Variants in C7orf78 observed in about 807,000 individuals in gnomAD.
C7orf78 encodes chromosome 7 open reading frame 78.
the C7orf78 span, among the ~76,000 whole-genome samples, chr7:12,513,530 T>A: frequency 6.6e-6 from 1 of 152,166 alleles, no homozygotes; most frequent in African/African-American, 2.4e-5. Flanking sequence ...TAGAATTTTG[T>A]TTAGTTTCCA....
At chr7:12,525,166 T>A in the C7orf78 span, among the ~76,000 whole-genome samples, 2 of 152,284 alleles carry the variant, frequency 1.3e-5, no homozygotes, top group African/African-American at 4.8e-5. Context: ...CCCTGTTTAA[T>A]TTCTGCTTGG....
chr7:12,541,618 T>C, the C7orf78 span: 1 of 151,126 alleles, frequency 6.6e-6, no homozygotes, highest in Non-Finnish European at 1.5e-5. Flanking sequence ...TCAGGAATCA[T>C]AGGATACCAG....
the C7orf78 span, among the ~76,000 whole-genome samples, chr7:12,528,745 G>T: frequency 6.6e-6 from 1 of 152,208 alleles, no homozygotes; most frequent in Non-Finnish European, 1.5e-5. Flanking sequence ...AGGACTGGCA[G>T]AAAGAATAAG....
chr7:12,511,979 G>A, the C7orf78 span, among the ~76,000 whole-genome samples: 1 of 123,542 alleles, frequency 8.1e-6, no homozygotes. Flanking sequence ...GTTTCACCGT[G>A]TTAGCCAGGA....
At chr7:12,508,745 G>A in the C7orf78 span, among the ~76,000 whole-genome samples, 2 of 152,180 alleles carry the variant, frequency 1.3e-5, no homozygotes, top group Non-Finnish European at 2.9e-5. Context: ...ACTCCCCATT[G>A]TTTACATTAC....
At chr7:12,495,451 T>C in the C7orf78 span, among the ~76,000 whole-genome samples, 3 of 152,230 alleles carry the variant, frequency 2.0e-5, no homozygotes, top group African/African-American at 7.2e-5. Context: ...TATGGCTTTA[T>C]GAACCTGAAT....
chr7:12,516,175 T>G, the C7orf78 span, among the ~76,000 whole-genome samples: 1 of 152,270 alleles, frequency 6.6e-6, no homozygotes, highest in South Asian at 2.1e-4. Context: ...CTGTACTACG[T>G]GCAGCCTAGG....
chr7:12,515,708 T>A, the C7orf78 span, among the ~76,000 whole-genome samples: 1 of 152,116 alleles, frequency 6.6e-6, no homozygotes, highest in South Asian at 2.1e-4. Context: ...TGGTCTCAGA[T>A]GGAGATGAGG....
the C7orf78 span, among the ~76,000 whole-genome samples, chr7:12,513,175 C>G: frequency 2.0e-5 from 3 of 151,792 alleles, no homozygotes; most frequent in African/African-American, 4.8e-5. Flanking sequence ...TAGTTCTGCT[C>G]TTACCTTTTT....
chr7:12,519,115 G>T, the C7orf78 span, among the ~76,000 whole-genome samples: 1 of 152,052 alleles, frequency 6.6e-6, no homozygotes, highest in African/African-American at 2.4e-5. Context: ...TCTATTGGTA[G>T]CCAGAGCACA....
the C7orf78 span, among the ~76,000 whole-genome samples, chr7:12,488,734 T>C: frequency 2.2e-4 from 34 of 152,194 alleles, no homozygotes; most frequent in African/African-American, 7.7e-4. Flanking sequence ...AAATTATGTA[T>C]TTATCTAAGA....
At chr7:12,531,055 C>T in the C7orf78 span, 6 of 398,212 alleles carry the variant, frequency 1.5e-5, no homozygotes, top group South Asian at 1.3e-4. Flanking sequence ...ATTTATGGAT[C>T]GTGTGGAAGA....
At chr7:12,492,275 C>G in the C7orf78 span, among the ~76,000 whole-genome samples, 1 of 152,124 alleles carries the variant, frequency 6.6e-6, no homozygotes, top group Non-Finnish European at 1.5e-5. Context: ...AATACTAAGA[C>G]TTCATTTGGC....
chr7:12,512,897 T>C, the C7orf78 span, among the ~76,000 whole-genome samples: 2 of 152,282 alleles, frequency 1.3e-5, no homozygotes, highest in South Asian at 2.1e-4. Flanking sequence ...GATTTAATTT[T>C]AGTCGGTTGT....
the C7orf78 span, among the ~76,000 whole-genome samples, chr7:12,535,088 C>T: frequency 1.3e-5 from 2 of 152,102 alleles, no homozygotes; most frequent in African/African-American, 4.8e-5. Context: ...CACAAGTAAT[C>T]AGGGAAATAT....
the C7orf78 span, among the ~76,000 whole-genome samples, chr7:12,497,591 G>A: frequency 6.6e-6 from 1 of 152,140 alleles, no homozygotes; most frequent in Admixed American, 6.5e-5. Flanking sequence ...CCTACCCCAC[G>A]GAGTCTCGCT....
chr7:12,523,231 G>A, the C7orf78 span: 1 of 388,624 alleles, frequency 2.6e-6, no homozygotes. Context: ...AAGAAAAAAG[G>A]AGGAAAAAAA....
chr7:12,531,706 CAG>C, the C7orf78 span, among the ~76,000 whole-genome samples: 1 of 152,090 alleles, frequency 6.6e-6, no homozygotes, highest in Non-Finnish European at 1.5e-5. Context: ...ACCAACTTTG[CAG>C]AGTTACCATT....
the C7orf78 span, among the ~76,000 whole-genome samples, chr7:12,536,611 A>T: frequency 2.0e-5 from 3 of 152,138 alleles, no homozygotes; most frequent in Non-Finnish European, 4.4e-5. Flanking sequence ...TTCTCCTCAG[A>T]AAACGCTTTT....
Sources: allele counts gnomAD v4.1 joint callset (sites outside exome capture counted in the v4.1 genomes callset), GRCh38; gene constraint gnomAD v4.1.1; transcripts MANE v1.5; gene names NCBI Gene and HGNC (gene_info 2026-07-23, HGNC 2026-07-21).